HAPLN1: variants seen among roughly 807,000 people sequenced by gnomAD.
HAPLN1 encodes the protein Cartilage link protein.
A neutral mutation model predicts 36.5 loss-of-function variants in HAPLN1; 13 were observed. The ratio of observed to expected loss-of-function variants is 0.36; its 90% CI spans 0.23 to 0.57. The LOEUF (loss-of-function observed/expected upper bound fraction) is 0.57, where lower values mean the gene tolerates loss of function less well. Among genes scored for constraint, HAPLN1 ranks in the 20% least tolerant of loss-of-function variants. The pLI is 0.83. For synonymous variants in HAPLN1, 202 were observed against 169.8 expected, an observed-to-expected ratio of 1.19 and a Z score of -1.48; for missense variants, 407 against 439.7, an observed-to-expected ratio of 0.93 and a Z score of 0.66.
At position 83,652,479 on chromosome 5, in the gene HAPLN1, G is replaced by A. The variant is rs1750094644; in HGVS notation, c.446C>T (p.Thr149Ile). 1 of 1,613,916 alleles carries A rather than the reference G, an allele frequency of 6.2e-7. No individual in the cohort carries two copies. The highest frequency in any genetic ancestry group is 8.5e-7 in the Non-Finnish European group (1 of 1,179,860). Residue 149 changes from threonine to isoleucine, a missense_variant, in exon 3 of 5, where the codon ACT becomes ATT. Coordinates refer to ENST00000274341, the MANE Select transcript of HAPLN1 (RefSeq NM_001884.4). ...TTGTAAGTCCAGTGCTACCACAACA[G>A]TATCATCTTCTAATCCTTCAATCAC... ...CEVIEGLEDD[T>I]VVVALDLQGV...
intron 1 of HAPLN1, among the ~76,000 whole-genome samples, chr5:83,698,812 A>G (rs1010689664): frequency 1.3e-5 from 2 of 152,222 alleles, no homozygotes; most frequent in African/African-American, 4.8e-5. Context: ...ATTCAGGCCT[A>G]CTTGACCCCA....
rs115901495 is a variant in HAPLN1 at position 83,652,668 on chromosome 5, G to A, written c.257C>T (p.Ser86Leu). Residue 86 changes from serine (S) to leucine (L), a missense_variant, in exon 3 of 5, where the codon TCG becomes TTG. By Grantham distance (145) the Ser-to-Leu change is moderately radical. Coordinates refer to ENST00000274341, the MANE Select transcript of HAPLN1 (RefSeq NM_001884.4). The part of the protein sequence containing the change: ...KIRIKWTKLT[S>L]DYLKEVDVFV... ...AACATCCACTTCCTTGAGGTAATCC[G>A]AAGTTAGCTTGGTCCACTTAATTCG... 23 of 1,614,026 alleles carry A rather than the reference G, an allele frequency of 1.4e-5. No homozygotes were observed. The highest frequency in any genetic ancestry group is 1.6e-4 in the Middle Eastern group (1 of 6,062).
intron 3 of HAPLN1, chr5:83,651,996 T>G (rs1750075537): frequency 6.3e-6 from 1 of 158,150 alleles, no homozygotes; most frequent in South Asian, 2.1e-4. Flanking sequence ...ATTACTTTTT[T>G]GTTGAATTAA....
intron 1 of HAPLN1, among the ~76,000 whole-genome samples, chr5:83,701,415 A>G (rs1453068886): frequency 6.6e-6 from 1 of 152,228 alleles, no homozygotes; most frequent in African/African-American, 2.4e-5. Flanking sequence ...GCTTTCTGCT[A>G]CCGCAGGTGT....
chr5:83,655,737 T>G lies in HAPLN1; in HGVS notation c.101-2913A>C, dbSNP rs147216484. On this transcript the variant is annotated intron_variant, in intron 2 of 4. Coordinates refer to ENST00000274341, the MANE Select transcript of HAPLN1 (RefSeq NM_001884.4). ...TCAGATTACACAGCTCTGAGCATTT[T>G]GGAGAAGTGGTCTATTGCAGGCTCT... Among the ~76,000 whole-genome samples the G allele has an allele frequency of 1.4e-3, 215 of 152,276 alleles. 2 individuals are homozygous for G. Among genetic ancestry groups the G allele is most frequent in the African/African-American group, 5.0e-3 (207 of 41,526 alleles).
At chr5:83,692,883 G>T (rs973095227) in intron 1 of HAPLN1, among the ~76,000 whole-genome samples, 2 of 151,800 alleles carry the variant, frequency 1.3e-5, no homozygotes, top group Non-Finnish European at 1.5e-5. Flanking sequence ...ATATGTCATT[G>T]GAAGGTTCTT....
At chr5:83,680,248 T>C (rs1364547277) in intron 1 of HAPLN1, among the ~76,000 whole-genome samples, 1 of 152,166 alleles carries the variant, frequency 6.6e-6, no homozygotes, top group Non-Finnish European at 1.5e-5. Flanking sequence ...AATAGTTTTG[T>C]TTATTTGTTG....
Position 83,661,435 on chromosome 5 carries a change from C to CTTTTT in HAPLN1, c.101-8616_101-8612dup, listed in dbSNP as rs56005008. 8.1e-4 allele frequency among the ~76,000 whole-genome samples: 51 copies of CTTTTT among 62,976 alleles called. 10 individuals are homozygous for CTTTTT. Among genetic ancestry groups the CTTTTT allele is most frequent in the African/African-American group, 1.1e-3 (17 of 14,850 alleles). 41.3% of individuals were successfully genotyped at this position (62,976 alleles called of 152,430 possible). ...CAATGGTGGTCTGTGAGAAAAGCTT[C>CTTTTT]TTTTTTTTTTTTTTTTTTTTTTTTT... On this transcript the variant is annotated intron_variant, in intron 2 of 4. Coordinates refer to ENST00000274341, the MANE Select transcript of HAPLN1 (RefSeq NM_001884.4).
chr5:83,644,722 C>G (rs574304903), intron 3 of HAPLN1, 57 bp from the exon 4 acceptor site: 6 of 1,303,294 alleles, frequency 4.6e-6, no homozygotes, highest in Non-Finnish European at 5.0e-6. Flanking sequence ...CAACTCTGAG[C>G]AAATGCCACC....
At position 83,644,421 on chromosome 5, in the gene HAPLN1, T is replaced by C; in HGVS notation, c.717A>G (p.Gly239=). 6.2e-7 allele frequency: 1 copy of C among 1,601,706 alleles called. No individual in the cohort carries two copies. The highest frequency in any genetic ancestry group is 8.5e-7 in the Non-Finnish European group (1 of 1,176,454). Residue 239 remains glycine (G), a synonymous_variant, in exon 4 of 5, where the codon GGA becomes GGG. Transcript: ENST00000274341. The part of the protein sequence containing the change: ...QNTVPGVRNY[G]FWDKDKSRYD... ...ATCTGCTTTTATCTTTATCCCAAAA[T>C]CCGTAGTTCCTGACTCCGGGCACTG...
chr5:83,651,713 C>T (rs1443603892), intron 3 of HAPLN1, among the ~76,000 whole-genome samples: 2 of 152,084 alleles, frequency 1.3e-5, no homozygotes, highest in African/African-American at 4.8e-5. Flanking sequence ...TAAAATAATG[C>T]TGAAATTTAC....
At chr5:83,662,660 C>T (rs145867450) in intron 2 of HAPLN1, among the ~76,000 whole-genome samples, 51 of 152,218 alleles carry the variant, frequency 3.4e-4, no homozygotes, top group African/African-American at 1.2e-3. Context: ...TATGGGGAAA[C>T]GAAAACATTA....
intron 2 of HAPLN1, among the ~76,000 whole-genome samples, chr5:83,669,493 C>T (rs1016120299): frequency 2.0e-5 from 3 of 151,546 alleles, no homozygotes; most frequent in East Asian, 1.9e-4. Context: ...AGCAAGACTC[C>T]GTCTCAAAAA....
At chr5:83,687,729 A>T (rs1289645293) in intron 1 of HAPLN1, among the ~76,000 whole-genome samples, 1 of 152,224 alleles carries the variant, frequency 6.6e-6, no homozygotes, top group African/African-American at 2.4e-5. Context: ...GTTAATTGTA[A>T]CATTTTAACA....
At chr5:83,707,024 G>A (rs985789463) in intron 1 of HAPLN1, among the ~76,000 whole-genome samples, 1 of 152,062 alleles carries the variant, frequency 6.6e-6, no homozygotes, top group Non-Finnish European at 1.5e-5. Flanking sequence ...TAACCAGGGA[G>A]GTGAAAGATT....
At position 83,639,067 on chromosome 5, in the gene HAPLN1, A is replaced by ATT. The variant is rs1749604512; in HGVS notation, c.*2427_*2428dup. On this transcript the variant is annotated 3_prime_UTR_variant, in exon 5 of 5. Transcript: ENST00000274341. The stretch of plus-strand genomic sequence containing the variant: ...GTGTTGTACCAACTTTCTGTTAGGA[A>ATT]TTGTATTAGAATAACCTTTCTTTTT... The ATT allele has an allele frequency of 6.6e-6, 1 of 152,166 alleles. No homozygotes were observed. The highest frequency in any genetic ancestry group is 3.4e-3 in the Middle Eastern group (1 of 294). 9.4% of individuals were successfully genotyped at this position (152,166 alleles called of 1,614,324 possible).
At position 83,673,508 on chromosome 5, in the gene HAPLN1, G is replaced by A. The variant is rs1335156274; in HGVS notation, c.16C>T (p.Leu6Phe). The change falls in exon 2 of 5, where the codon CTT becomes TTT. Residue 6 changes from leucine to phenylalanine, a missense_variant. Leu to Phe is a conservative substitution (Grantham distance 22). Transcript: ENST00000274341. MKSLL[L>F]LVLISICWAD... ...CAGCAGATTGAAATCAGCACCAGAA[G>A]AAGTAGACTCTTCATCTTTATAGCC... The A allele has an allele frequency of 6.2e-7, 1 of 1,612,916 alleles. No homozygotes were observed. Among genetic ancestry groups the A allele is most frequent in the Admixed American group, 1.7e-5 (1 of 59,964 alleles).
At chr5:83,646,862 GA>G (rs1240769367) in intron 3 of HAPLN1, among the ~76,000 whole-genome samples, 2 of 152,150 alleles carry the variant, frequency 1.3e-5, no homozygotes. Flanking sequence ...TGATGAAAAG[GA>G]AAATATTTGA....
chr5:83,652,909 A>G (rs1482907183), intron 2 of HAPLN1, 85 bp from the exon 3 acceptor site: 1 of 1,253,648 alleles, frequency 8.0e-7, no homozygotes, highest in Non-Finnish European at 1.1e-6. Flanking sequence ...TCACATATAT[A>G]GGATATCTGA....
Sources: gnomAD v4.1 joint callset for allele counts (sites outside exome capture counted in the v4.1 genomes callset) on GRCh38, gnomAD v4.1.1 for gene constraint, MANE v1.5 for transcripts, NCBI Gene and HGNC (gene_info 2026-07-23, HGNC 2026-07-21) for gene names.